GANAB: variants seen among roughly 807,000 people sequenced by gnomAD.
GANAB encodes neutral alpha-glucosidase AB.
Under a neutral mutation model 129.9 loss-of-function variants are expected in GANAB, and 35 were observed. The ratio of observed to expected loss-of-function variants is 0.27; its 90% CI spans 0.21 to 0.36. The LOEUF is 0.36. Ranked by LOEUF, GANAB falls within the 10% of genes least tolerant of loss-of-function variation. GANAB has a pLI of 1.00. For missense variants in GANAB, 939 were observed against 1,221.0 expected, an observed-to-expected ratio of 0.77 and a Z score of 3.44; for synonymous variants, 482 against 451.8, an observed-to-expected ratio of 1.07 and a Z score of -0.85.
At chr11:62,632,769 G>C in intron 8 of GANAB, 24 bp from the exon 9 acceptor site, 1 of 1,600,240 alleles carries the variant, frequency 6.2e-7, no homozygotes, top group Non-Finnish European at 8.6e-7. Context: ...GACAGACTTG[G>C]GCTGCTAACT....
chr11:62,630,341 T>C (rs1359884771), intron 12 of GANAB, 38 bp downstream of exon 12: 17 of 1,613,996 alleles, frequency 1.1e-5, no homozygotes, highest in Non-Finnish European at 1.4e-5. Flanking sequence ...TCTACCCCGC[T>C]GGCCAATCAA....
At chr11:62,630,030 A>G (rs897934965) in intron 13 of GANAB, 73 bp from the exon 14 acceptor site, 5 of 1,512,992 alleles carry the variant, frequency 3.3e-6, no homozygotes, top group African/African-American at 1.4e-5. Context: ...CAGAGAAGAG[A>G]GCTCCTAGGA....
chr11:62,633,472 A>G lies in GANAB; in HGVS notation c.603T>C (p.Pro201=), dbSNP rs1471158564. Residue 201 remains proline (P), a synonymous_variant, in exon 6 of 24, where the codon CCT becomes CCC. Transcript: ENST00000356638. Reference sequence around the variant, plus strand: ...TGTCGCCATCCCTGGGTGTTTCCTCAGGCTGGGCCCCATCGCCCTCAGCTG... The same window carrying G: ...TGTCGCCATCCCTGGGTGTTTCCTCGGGCTGGGCCCCATCGCCCTCAGCTG... ...KDPAEGDGAQ[P]EETPRDGDKP... 2 of 1,613,738 alleles carry G rather than the reference A, an allele frequency of 1.2e-6. No homozygotes were observed. Among genetic ancestry groups the G allele is most frequent in the Non-Finnish European group, 1.7e-6 (2 of 1,179,998 alleles).
intron 4 of GANAB, 59 bp downstream of exon 4, chr11:62,638,924 A>G (rs1443309552): frequency 1.9e-6 from 3 of 1,573,578 alleles, no homozygotes; most frequent in Non-Finnish European, 2.6e-6. Flanking sequence ...AACCAAAAAA[A>G]GGTTCATCAG....
chr11:62,633,222 T>C lies in GANAB; in HGVS notation c.680A>G (p.Glu227Gly). Residue 227 changes from glutamate (E) to glycine (G), a missense_variant, in exon 7 of 24, where the codon GAG becomes GGG. Physicochemically the swap from Glu to Gly is moderately conservative, Grantham distance 98. Around this residue, in one of 5 missense-constraint regions of GANAB, gnomAD observed 321 missense variants for 329.1 expected, o/e 0.98. Coordinates refer to ENST00000356638, the MANE Select transcript of GANAB (RefSeq NM_198334.3). ...KAEKDEPGAW[E>G]ETFKTHSDSK... is the part of the protein sequence containing the mutation. Reference sequence around the variant, plus strand: ...GTCAGAGTGAGTTTTGAATGTCTCCTCCCAGGCTCCTGGCTCATCTTTCTC... The same window carrying C: ...GTCAGAGTGAGTTTTGAATGTCTCCCCCCAGGCTCCTGGCTCATCTTTCTC... 6.2e-7 allele frequency: 1 copy of C among 1,614,108 alleles called. No homozygotes were observed. The highest frequency in any genetic ancestry group is 8.5e-7 in the Non-Finnish European group (1 of 1,180,006).
Position 62,625,364 on chromosome 11 carries a change from G to T in GANAB, c.*451C>A, listed in dbSNP as rs1590787622. 4 of 447,176 alleles carry T rather than the reference G, an allele frequency of 8.9e-6. No individual in the cohort carries two copies. The highest frequency in any genetic ancestry group is 1.3e-5 in the Non-Finnish European group (3 of 223,122). 27.7% of individuals were successfully genotyped at this position (447,176 alleles called of 1,614,324 possible). On this transcript the variant is annotated 3_prime_UTR_variant, in exon 24 of 24. Coordinates refer to ENST00000356638, the MANE Select transcript of GANAB (RefSeq NM_198334.3). Reference sequence around the variant, plus strand: ...GTAAAGCCTGGAGGAAGAAATGAAAGGTGGGAGAGCAATCTGGTGGGAGGG... The same window carrying T: ...GTAAAGCCTGGAGGAAGAAATGAAATGTGGGAGAGCAATCTGGTGGGAGGG...
At position 62,626,697 on chromosome 11, in the gene GANAB, C is replaced by A. The variant is rs1437624681; in HGVS notation, c.2398-13G>T. ...GGAACACAGGGATCTAGGGCAAGAG[C>A]AATGCCAGGATGAAGTTGCCCCCTT... On this transcript the variant is annotated splice_polypyrimidine_tract_variant and intron_variant, in intron 20 of 23. Transcript: ENST00000356638. 1 of 1,558,966 alleles carries A rather than the reference C, an allele frequency of 6.4e-7. No individual in the cohort carries two copies. The highest frequency in any genetic ancestry group is 8.8e-7 in the Non-Finnish European group (1 of 1,137,966).
chr11:62,639,337 A>C lies in GANAB; in HGVS notation c.252+22T>G, dbSNP rs373085039. 8.6e-6 allele frequency: 13 copies of C among 1,502,962 alleles called. No homozygotes were observed. The African/African-American group carries it at 1.7e-4, about 19-fold the overall frequency. 93.1% of individuals were successfully genotyped at this position (1,502,962 alleles called of 1,614,324 possible). Reference sequence around the variant, plus strand: ...ACAGCCATTGCCCCACCCCCACCAGACTCTTCCTTGTCTCTCCTGACCTTG... The same window carrying C: ...ACAGCCATTGCCCCACCCCCACCAGCCTCTTCCTTGTCTCTCCTGACCTTG... On this transcript the variant is annotated intron_variant, in intron 3 of 23. Transcript: ENST00000356638.
At chr11:62,627,903 C>T (rs1297036627) in intron 17 of GANAB, among the ~76,000 whole-genome samples, 2 of 152,252 alleles carry the variant, frequency 1.3e-5, no homozygotes, top group Non-Finnish European at 2.9e-5. Context: ...CCATGCTGCA[C>T]AGCAGCCTGC....
intron 15 of GANAB, 95 bp from the exon 16 acceptor site, chr11:62,629,390 C>T: frequency 1.1e-6 from 1 of 945,638 alleles, no homozygotes; most frequent in Non-Finnish European, 1.7e-6. Context: ...TCCCCAGAAC[C>T]CTGCTGAAGA....
intron 9 of GANAB, 122 bp from the exon 10 acceptor site, chr11:62,631,305 G>A (rs747779593): frequency 3.6e-6 from 3 of 842,332 alleles, no homozygotes; most frequent in Non-Finnish European, 5.5e-6. Flanking sequence ...GCTGCTTTCG[G>A]TAAGACTAAA....
Position 62,629,649 on chromosome 11 carries a change from A to G in GANAB, c.1773T>C (p.Ser591=). 1 of 1,613,638 alleles carries G rather than the reference A, an allele frequency of 6.2e-7. No homozygotes were observed. Among genetic ancestry groups the G allele is most frequent in the Non-Finnish European group, 8.5e-7 (1 of 1,179,746 alleles). ...GGACAAAGGGGCGTTCCATGCCCCC[A>G]GAGCGCTGTCTCAGCCCATCAGCAG... ...MATADGLRQR[S]GGMERPFVLA... The change falls in exon 15 of 24, where the codon TCT becomes TCC. Residue 591 remains serine (S), a synonymous_variant. Transcript: ENST00000356638.
intron 17 of GANAB, among the ~76,000 whole-genome samples, chr11:62,627,758 A>G (rs1357833361): frequency 6.6e-6 from 1 of 152,132 alleles, no homozygotes; most frequent in Admixed American, 6.5e-5. Context: ...AAAGAAAAGA[A>G]CAGCACAGGG....
At chr11:62,639,817 G>T in intron 1 of GANAB, 86 bp from the exon 2 acceptor site, 1 of 786,486 alleles carries the variant, frequency 1.3e-6, no homozygotes, top group South Asian at 1.4e-5. Context: ...TCCTGTCATA[G>T]CACTAGAAGA....
At chr11:62,632,364 A>G (rs1943729098) in intron 9 of GANAB, among the ~76,000 whole-genome samples, 1 of 152,216 alleles carries the variant, frequency 6.6e-6, no homozygotes, top group African/African-American at 2.4e-5. Flanking sequence ...GCATTCCGTC[A>G]GCCCAGAATA....
chr11:62,644,965 C>G (rs761581852), intron 1 of GANAB, among the ~76,000 whole-genome samples: 17 of 151,982 alleles, frequency 1.1e-4, no homozygotes, highest in Non-Finnish European at 2.1e-4. Flanking sequence ...AGAAAATTAC[C>G]AGAAATGAGA....
chr11:62,644,381 C>T (rs978658143), intron 1 of GANAB, among the ~76,000 whole-genome samples: 9 of 151,900 alleles, frequency 5.9e-5, no homozygotes, highest in Non-Finnish European at 1.5e-5. Flanking sequence ...GGCACAGTGG[C>T]TCACGTCTAT....
intron 4 of GANAB, among the ~76,000 whole-genome samples, chr11:62,636,128 T>TTACAG (rs1943929127): frequency 6.6e-6 from 1 of 151,974 alleles, no homozygotes. Flanking sequence ...GTAGCTGGAA[T>TTACAG]TACAGGCGCC....
intron 10 of GANAB, 44 bp downstream of exon 10, chr11:62,630,986 C>T (rs749645142): frequency 1.3e-5 from 21 of 1,572,526 alleles, no homozygotes; most frequent in East Asian, 4.5e-5. Flanking sequence ...TAGAATCACC[C>T]GACAAGAAAA....
Sources: allele counts gnomAD v4.1 joint callset (sites outside exome capture counted in the v4.1 genomes callset), GRCh38; gene constraint gnomAD v4.1.1; regional missense constraint gnomAD v4.1.1; transcripts MANE v1.5; gene names NCBI Gene and HGNC (gene_info 2026-07-23, HGNC 2026-07-21).